SLC9A9: variants seen among roughly 807,000 people sequenced by gnomAD.
SLC9A9 encodes sodium/hydrogen exchanger 9.
In SLC9A9, 62 loss-of-function variants were observed where a neutral mutation model predicts 77.8. The observed-to-expected ratio is 0.80, with a 90% CI of 0.65 to 0.98. The LOEUF (loss-of-function observed/expected upper bound fraction) is 0.98, where lower values mean the gene tolerates loss of function less well. Among genes scored for constraint, SLC9A9 ranks in the 50% least tolerant of loss-of-function variants. The pLI is 0.00. For synonymous variants in SLC9A9, 320 were observed against 283.5 expected (o/e 1.13, Z -1.29); for missense variants, 775 against 774.9 (o/e 1.00, Z 0.00).
chr3:143,334,693 G>A (rs1431456120), intron 14 of SLC9A9, among the ~76,000 whole-genome samples: 1 of 152,174 alleles, frequency 6.6e-6, no homozygotes, highest in Non-Finnish European at 1.5e-5. Flanking sequence ...ATTATAAAGT[G>A]ACCTGAGTCA....
chr3:143,321,928 C>G (rs551638804), intron 14 of SLC9A9, among the ~76,000 whole-genome samples: 1 of 152,114 alleles, frequency 6.6e-6, no homozygotes, highest in Non-Finnish European at 1.5e-5. Context: ...CTGGATGAGG[C>G]CTTGTGTCCC....
intron 4 of SLC9A9, among the ~76,000 whole-genome samples, chr3:143,717,529 A>C (rs936072548): frequency 1.3e-5 from 2 of 152,190 alleles, no homozygotes; most frequent in Non-Finnish European, 2.9e-5. Flanking sequence ...ATGTTGGGCC[A>C]TTGTTTTCTC....
chr3:143,399,667 T>C (rs186476696), intron 12 of SLC9A9, among the ~76,000 whole-genome samples: 141 of 152,240 alleles, frequency 9.3e-4, no homozygotes, highest in African/African-American at 3.3e-3. Flanking sequence ...GAAAATAACA[T>C]AATGAAAGTT....
chr3:143,705,369 T>C (rs747545106), intron 4 of SLC9A9, among the ~76,000 whole-genome samples: 8 of 152,024 alleles, frequency 5.3e-5, no homozygotes, highest in Non-Finnish European at 8.8e-5. Flanking sequence ...CAAGAATGAA[T>C]AAGATCTCAT....
chr3:143,675,783 C>T (rs2108768835), intron 5 of SLC9A9, among the ~76,000 whole-genome samples: 1 of 152,254 alleles, frequency 6.6e-6, no homozygotes, highest in South Asian at 2.1e-4. Flanking sequence ...TGTGTTTCCA[C>T]ATAAATCCAT....
intron 14 of SLC9A9, among the ~76,000 whole-genome samples, chr3:143,350,492 G>T (rs2032417949): frequency 6.6e-6 from 1 of 151,954 alleles, no homozygotes; most frequent in Admixed American, 6.6e-5. Flanking sequence ...CTCCTCCCTG[G>T]CCAACCTTAT....
chr3:143,269,040 T>G (rs1937822745), intron 14 of SLC9A9, 60 bp from the exon 15 acceptor site: 1 of 1,236,332 alleles, frequency 8.1e-7, no homozygotes, highest in Non-Finnish European at 1.2e-6. Context: ...AATCTTACGC[T>G]GCACAAACCT....
At chr3:143,631,266 T>A (rs2030817) in intron 6 of SLC9A9, among the ~76,000 whole-genome samples, 92,962 of 152,022 alleles carry the variant, frequency 0.61, 28,899 homozygotes, top group African/African-American at 0.73. Context: ...TGGGTCAAAA[T>A]TTCTAATGCA....
intron 2 of SLC9A9, among the ~76,000 whole-genome samples, chr3:143,821,853 T>C (rs546414830): frequency 1.3e-5 from 2 of 152,338 alleles, no homozygotes; most frequent in South Asian, 4.1e-4. Context: ...ACTCATCATC[T>C]AGGTACTGTT....
At chr3:143,772,766 A>G (rs2007567831) in intron 4 of SLC9A9, among the ~76,000 whole-genome samples, 1 of 152,224 alleles carries the variant, frequency 6.6e-6, no homozygotes, top group Non-Finnish European at 1.5e-5. Flanking sequence ...TGGAAACGTT[A>G]TAGACGCTAC....
rs146038186 is a variant in SLC9A9, at chr3:143,777,468, G to A, written c.533+17533C>T. 4.3e-3 allele frequency among the ~76,000 whole-genome samples: 651 copies of A among 152,186 alleles called. 9 individuals are homozygous for A. Among genetic ancestry groups the A allele is most frequent in the African/African-American group, 0.015 (625 of 41,520 alleles). On this transcript the variant is annotated intron_variant, in intron 4 of 15. Transcript: ENST00000316549. ...ATTAACTTGCATAGAATTAAGATTT[G>A]TTCTGAGAAACTATTTTCTAGTGAA...
At chr3:143,713,964 T>C (rs1235223513) in intron 4 of SLC9A9, among the ~76,000 whole-genome samples, 2 of 152,240 alleles carry the variant, frequency 1.3e-5, no homozygotes, top group Non-Finnish European at 2.9e-5. Context: ...AATCTGGCAC[T>C]GGATACTGAT....
rs1181718743 is a variant in SLC9A9, at chr3:143,603,454, G to T, written c.756-24731C>A. Among the ~76,000 whole-genome samples the T allele has an allele frequency of 6.0e-5, 9 of 151,090 alleles. No individual in the cohort carries two copies. The East Asian group carries it at 1.7e-3, about 29-fold the overall frequency. On this transcript the variant is annotated intron_variant, in intron 6 of 15. Transcript: ENST00000316549. The stretch of plus-strand genomic sequence containing the variant: ...GAGATTAGATTGAATCCATTTTGTT[G>T]CTCTTTCATTCTCTCACAATATTTC...
intron 8 of SLC9A9, among the ~76,000 whole-genome samples, chr3:143,556,313 T>C (rs373980937): frequency 7.9e-5 from 12 of 152,300 alleles, no homozygotes; most frequent in South Asian, 6.2e-4. Flanking sequence ...CAAACCAGTG[T>C]CTCAGCTCCA....
intron 6 of SLC9A9, among the ~76,000 whole-genome samples, chr3:143,620,302 G>C (rs1434876683): frequency 6.6e-6 from 1 of 152,160 alleles, no homozygotes; most frequent in Non-Finnish European, 1.5e-5. Context: ...CTATTAATAG[G>C]ATAAGAAGTA....
At chr3:143,689,249 C>T (rs1386662195) in intron 5 of SLC9A9, among the ~76,000 whole-genome samples, 2 of 152,102 alleles carry the variant, frequency 1.3e-5, no homozygotes, top group Non-Finnish European at 2.9e-5. Context: ...CCAGAAATGT[C>T]TCCCAAAGAA....
intron 4 of SLC9A9, among the ~76,000 whole-genome samples, chr3:143,744,578 A>G (rs1213883442): frequency 6.6e-6 from 1 of 152,188 alleles, no homozygotes; most frequent in Non-Finnish European, 1.5e-5. Flanking sequence ...TTTTCTCATC[A>G]GCGAAAAAGC....
chr3:143,349,417 T>C (rs1436375624), intron 14 of SLC9A9, among the ~76,000 whole-genome samples: 1 of 152,188 alleles, frequency 6.6e-6, no homozygotes, highest in East Asian at 1.9e-4. Context: ...TAAAGGAGGG[T>C]GGGGCCCATC....
At chr3:143,298,227 G>A (rs2030363669) in intron 14 of SLC9A9, among the ~76,000 whole-genome samples, 1 of 152,194 alleles carries the variant, frequency 6.6e-6, no homozygotes, top group South Asian at 2.1e-4. Flanking sequence ...TGAAGATGGT[G>A]ATTGGGAATT....
Sources: allele counts gnomAD v4.1 joint callset (sites outside exome capture counted in the v4.1 genomes callset), GRCh38; gene constraint gnomAD v4.1.1; transcripts MANE v1.5; gene names NCBI Gene and HGNC (gene_info 2026-07-23, HGNC 2026-07-21).